Variants in FAF1 observed in about 807,000 individuals in gnomAD.
FAF1 encodes FAS-associated factor 1.
A neutral mutation model predicts 92.5 loss-of-function variants in FAF1; 25 were observed. The ratio of observed to expected loss-of-function variants is 0.27; its 90% CI spans 0.20 to 0.38. The LOEUF is 0.38. Among genes scored for constraint, FAF1 ranks in the 10% least tolerant of loss-of-function variants. The probability of loss-of-function intolerance (pLI) is 1.00; values close to 1 mark genes in which losing one functional copy is unlikely to be tolerated. For synonymous variants in FAF1, 234 were observed against 273.2 expected (o/e 0.86, Z 1.42); for missense variants, 636 against 793.3 (o/e 0.80, Z 2.38).
chr1:50,535,957 G>T (rs537993585), intron 14 of FAF1, among the ~76,000 whole-genome samples: 2 of 152,264 alleles, frequency 1.3e-5, no homozygotes, highest in African/African-American at 4.8e-5. Flanking sequence ...AGGTCAAGCT[G>T]GTTAAGTGGT....
At chr1:50,824,102 A>C (rs570516368) in intron 2 of FAF1, among the ~76,000 whole-genome samples, 1 of 152,324 alleles carries the variant, frequency 6.6e-6, no homozygotes, top group African/African-American at 2.4e-5. Context: ...TCATTTCATA[A>C]AACAAGTATA....
chr1:50,452,124 T>A (rs759281991), intron 18 of FAF1: 2 of 1,349,616 alleles, frequency 1.5e-6, no homozygotes, highest in Non-Finnish European at 2.0e-6. Flanking sequence ...AGAATGAGAA[T>A]AAAGAACATA....
rs1646147481 is a variant in FAF1, at chr1:50,438,919, C to A, written c.*2521G>T. ...TAGTAGTGCCAGAGAATGGCAACAT[C>A]CGAAATCAGAAACCTCCAAAAAAAT... On this transcript the variant is annotated 3_prime_UTR_variant, in exon 19 of 19. Coordinates refer to ENST00000396153, the MANE Select transcript of FAF1 (RefSeq NM_007051.3). 1 of 151,906 alleles carries A rather than the reference C, an allele frequency of 6.6e-6. No individual in the cohort carries two copies. The highest frequency in any genetic ancestry group is 1.5e-5 in the Non-Finnish European group (1 of 68,040). 9.4% of individuals were successfully genotyped at this position (151,906 alleles called of 1,614,324 possible).
intron 17 of FAF1, among the ~76,000 whole-genome samples, chr1:50,482,151 C>T (rs1342109272): frequency 6.6e-6 from 1 of 152,134 alleles, no homozygotes; most frequent in Non-Finnish European, 1.5e-5. Flanking sequence ...TTCTTCATCC[C>T]TAGCTCCTAA....
intron 2 of FAF1, among the ~76,000 whole-genome samples, chr1:50,847,690 A>C (rs559624179): frequency 1.4e-4 from 22 of 152,150 alleles, no homozygotes; most frequent in Non-Finnish European, 2.8e-4. Context: ...TTCAAAACCA[A>C]CTAGAGGGAG....
At chr1:50,703,381 C>T (rs1016882173) in intron 7 of FAF1, among the ~76,000 whole-genome samples, 1 of 152,044 alleles carries the variant, frequency 6.6e-6, no homozygotes, top group African/African-American at 2.4e-5. Flanking sequence ...CCTGAAACTA[C>T]CCCCTCCATC....
chr1:50,735,790 C>T (rs570006198), intron 6 of FAF1, among the ~76,000 whole-genome samples: 1 of 152,234 alleles, frequency 6.6e-6, no homozygotes, highest in Admixed American at 6.5e-5. Context: ...GATCTCAGCT[C>T]ACTGTAACCT....
At chr1:50,858,805 C>A (rs1198640441) in intron 1 of FAF1, among the ~76,000 whole-genome samples, 1 of 151,680 alleles carries the variant, frequency 6.6e-6, no homozygotes, top group East Asian at 1.9e-4. Flanking sequence ...CAAATATTAA[C>A]TAGCAGGATG....
chr1:50,859,742 G>GA (rs529429111), intron 1 of FAF1, among the ~76,000 whole-genome samples: 229 of 151,660 alleles, frequency 1.5e-3, no homozygotes, highest in Non-Finnish European at 2.4e-3. Flanking sequence ...TCACAAACTA[G>GA]AAAAAACTAA....
intron 18 of FAF1, among the ~76,000 whole-genome samples, chr1:50,472,404 CA>C (rs1646586160): frequency 6.6e-6 from 1 of 151,122 alleles, no homozygotes; most frequent in Non-Finnish European, 1.5e-5. Context: ...CACACACACA[CA>C]CACACACACA....
chr1:50,738,133 G>T (rs780747002), intron 6 of FAF1, among the ~76,000 whole-genome samples: 1 of 152,056 alleles, frequency 6.6e-6, no homozygotes, highest in East Asian at 1.9e-4. Flanking sequence ...CTCTATTCCA[G>T]AGAGAAAATC....
chr1:50,832,518 T>C (rs953790598), intron 2 of FAF1, among the ~76,000 whole-genome samples: 1 of 152,248 alleles, frequency 6.6e-6, no homozygotes, highest in African/African-American at 2.4e-5. Context: ...CTGTTTAACA[T>C]ATATGAGAGT....
intron 17 of FAF1, among the ~76,000 whole-genome samples, chr1:50,485,974 C>G (rs1057207930): frequency 5.3e-5 from 8 of 152,046 alleles, no homozygotes; most frequent in African/African-American, 1.9e-4. Flanking sequence ...CAATCACTTT[C>G]CAGCAGGCCC....
At chr1:50,619,909 CT>C (rs869279028) in intron 8 of FAF1, among the ~76,000 whole-genome samples, 395 of 140,242 alleles carry the variant, frequency 2.8e-3, no homozygotes, top group Admixed American at 5.3e-3. Context: ...CTCTCTCTCT[CT>C]TTTTTTTTTT....
intron 8 of FAF1, among the ~76,000 whole-genome samples, chr1:50,611,247 G>A (rs1025469458): frequency 6.6e-6 from 1 of 152,152 alleles, no homozygotes; most frequent in African/African-American, 2.4e-5. Flanking sequence ...GAAAGACTTA[G>A]CTTTGTATTA....
chr1:50,926,413 T>C lies in FAF1; in HGVS notation c.45+33354A>G, dbSNP rs182813651. ...GAATTAGAGTATACAACTGTAGATA[T>C]TGGAGACTGGGAAGGGCAGTGAGAG... On this transcript the variant is annotated intron_variant, in intron 1 of 18. Transcript: ENST00000396153. 1.6e-3 allele frequency among the ~76,000 whole-genome samples: 240 copies of C among 152,210 alleles called. 1 individual carries two copies. Among genetic ancestry groups the C allele is most frequent in the African/African-American group, 5.2e-3 (215 of 41,522 alleles).
intron 8 of FAF1, among the ~76,000 whole-genome samples, chr1:50,623,570 G>A (rs1165102077): frequency 6.7e-6 from 1 of 148,414 alleles, no homozygotes; most frequent in Admixed American, 6.8e-5. Context: ...GTGAGACTCT[G>A]TCTTGAAAAA....
chr1:50,922,006 A>T (rs1394299265), intron 1 of FAF1, among the ~76,000 whole-genome samples: 2 of 151,758 alleles, frequency 1.3e-5, no homozygotes, highest in Non-Finnish European at 2.9e-5. Flanking sequence ...GTCTCCACTA[A>T]AAACACAAAA....
intron 1 of FAF1, among the ~76,000 whole-genome samples, chr1:50,899,864 T>C (rs1478097938): frequency 2.0e-5 from 3 of 152,136 alleles, no homozygotes; most frequent in Non-Finnish European, 4.4e-5. Context: ...ATTAGGGCTA[T>C]TTTCCCCCCT....
Sources: gnomAD v4.1 joint callset for allele counts (sites outside exome capture counted in the v4.1 genomes callset) on GRCh38, gnomAD v4.1.1 for gene constraint, MANE v1.5 for transcripts, NCBI Gene and HGNC (gene_info 2026-07-23, HGNC 2026-07-21) for gene names.